The following RXFP2 variants were observed in gnomAD, a reference collection of about 807,000 sequenced individuals.
RXFP2 encodes relaxin family peptide receptor 2, also known as relaxin receptor 2.
In RXFP2, 68 loss-of-function variants were observed where a neutral mutation model predicts 88.6. The ratio of observed to expected loss-of-function variants is 0.77; its 90% CI spans 0.63 to 0.94. The LOEUF (loss-of-function observed/expected upper bound fraction) is 0.94. RXFP2 is among the 40% of genes least tolerant of loss of function. The pLI, the probability that RXFP2 is intolerant of heterozygous loss-of-function variation, is 0.00. For missense variants in RXFP2, 791 were observed against 893.9 expected, an observed-to-expected ratio of 0.88 and a Z score of 1.47; for synonymous variants, 329 against 306.8, an observed-to-expected ratio of 1.07 and a Z score of -0.76.
At chr13:31,766,561 C>T (rs1043250682) in intron 5 of RXFP2, among the ~76,000 whole-genome samples, 2 of 152,126 alleles carry the variant, frequency 1.3e-5, no homozygotes, top group Non-Finnish European at 2.9e-5. Flanking sequence ...GGCCAATATG[C>T]TTCCAGAATC....
At chr13:31,779,229 G>T (rs1467525794) in intron 9 of RXFP2, among the ~76,000 whole-genome samples, 1 of 151,128 alleles carries the variant, frequency 6.6e-6, no homozygotes, top group African/African-American at 2.4e-5. Flanking sequence ...GGGTTCAAGT[G>T]ATTCTCCTGC....
intron 7 of RXFP2, among the ~76,000 whole-genome samples, chr13:31,776,545 C>T (rs1436902341): frequency 6.6e-6 from 1 of 152,052 alleles, no homozygotes; most frequent in African/African-American, 2.4e-5. Context: ...AGGCAAGAGC[C>T]ACCACGCCCA....
intron 16 of RXFP2, among the ~76,000 whole-genome samples, chr13:31,795,524 T>C (rs1873990537): frequency 6.6e-6 from 1 of 152,064 alleles, no homozygotes; most frequent in Non-Finnish European, 1.5e-5. Context: ...TCTAACAGAG[T>C]GATTATCTTT....
chr13:31,748,464 G>A (rs575346638), intron 1 of RXFP2, among the ~76,000 whole-genome samples: 62 of 152,110 alleles, frequency 4.1e-4, no homozygotes, highest in African/African-American at 1.4e-3. Context: ...GTTTTAATTT[G>A]CATTTCTCTG....
chr13:31,778,576 A>T lies in RXFP2; in HGVS notation c.778A>T (p.Asn260Tyr). ...KQMCAQMPQL[N>Y]WVDLEGNRIK... ...GATGTGTGCCCAAATGCCTCAACTC[A>T]ACTGGGTGTGAGTATTTATTTAGGA... The change falls in exon 9 of 18, where the codon AAC becomes TAC. Residue 260 changes from asparagine (N) to tyrosine (Y), a missense_variant. Coordinates refer to ENST00000298386, the MANE Select transcript of RXFP2 (RefSeq NM_130806.5). The T allele has an allele frequency of 1.2e-6, 2 of 1,606,202 alleles. No homozygotes were observed. The highest frequency in any genetic ancestry group is 1.7e-6 in the Non-Finnish European group (2 of 1,172,880).
chr13:31,760,342 C>T (rs1053806455), intron 2 of RXFP2, among the ~76,000 whole-genome samples: 1 of 152,168 alleles, frequency 6.6e-6, no homozygotes, highest in East Asian at 1.9e-4. Context: ...CCGCCCGCCT[C>T]GGCCTCCCAA....
intron 3 of RXFP2, among the ~76,000 whole-genome samples, chr13:31,764,741 ACTTAAT>A (rs1328028383): frequency 6.6e-6 from 1 of 152,212 alleles, no homozygotes; most frequent in African/African-American, 2.4e-5. Context: ...ATTGAAGTGA[ACTTAAT>A]CTTGCTTCAC....
intron 5 of RXFP2, among the ~76,000 whole-genome samples, chr13:31,770,827 C>G (rs1872708879): frequency 6.6e-6 from 1 of 152,166 alleles, no homozygotes; most frequent in African/African-American, 2.4e-5. Context: ...TCCTGGTTCT[C>G]TCTTAGTCTA....
chr13:31,763,499 A>G (rs938318079), intron 3 of RXFP2, among the ~76,000 whole-genome samples: 1 of 152,200 alleles, frequency 6.6e-6, no homozygotes, highest in African/African-American at 2.4e-5. Context: ...GCCTCCCATG[A>G]CAAAGAACGA....
Position 31,758,269 on chromosome 13 carries a change from A to G in RXFP2, c.106A>G (p.Thr36Ala). The change falls in exon 2 of 18, where the codon ACT becomes GCT. Residue 36 changes from threonine to alanine, a missense_variant. Transcript: ENST00000298386. ...VLINVKDFAL[T>A]QGSMITPSCQ... is the part of the protein sequence containing the mutation. The stretch of plus-strand genomic sequence containing the variant: ...CTTCTTTCATGTAGATTTTGCACTG[A>G]CTCAAGGTAGCATGATCACTCCTTC... 1.9e-6 allele frequency: 3 copies of G among 1,613,980 alleles called. No individual in the cohort carries two copies. Among genetic ancestry groups the G allele is most frequent in the Non-Finnish European group, 1.7e-6 (2 of 1,179,946 alleles).
At chr13:31,771,270 G>A (rs1872725410) in intron 5 of RXFP2, among the ~76,000 whole-genome samples, 1 of 152,204 alleles carries the variant, frequency 6.6e-6, no homozygotes. Context: ...ACCAGTCTGT[G>A]GCATGTTAGG....
chr13:31,782,418 A>G (rs561874796), intron 10 of RXFP2, among the ~76,000 whole-genome samples: 4 of 152,340 alleles, frequency 2.6e-5, no homozygotes, highest in East Asian at 1.9e-4. Context: ...ATTTTCTAAA[A>G]TAATTAGATC....
chr13:31,756,274 C>T (rs557098846), intron 1 of RXFP2, among the ~76,000 whole-genome samples: 15 of 152,156 alleles, frequency 9.9e-5, no homozygotes, highest in Non-Finnish European at 1.6e-4. Flanking sequence ...TTCCCAAGAA[C>T]CAAAGTAGAC....
chr13:31,740,306 T>C (rs1300420695), intron 1 of RXFP2, among the ~76,000 whole-genome samples: 1 of 152,086 alleles, frequency 6.6e-6, no homozygotes, highest in Admixed American at 6.6e-5. Context: ...GTCAGTACCA[T>C]TTTCATTGTA....
At chr13:31,764,242 TTCACACACACACA>T (rs1872440447) in intron 3 of RXFP2, among the ~76,000 whole-genome samples, 2 of 83,920 alleles carry the variant, frequency 2.4e-5, no homozygotes, top group African/African-American at 8.6e-5. Context: ...CTCTCTCTCT[TTCACACACACACA>T]CACACACACA....
chr13:31,791,700 C>A, intron 14 of RXFP2, 106 bp from the exon 15 acceptor site: 1 of 782,242 alleles, frequency 1.3e-6, no homozygotes, highest in Non-Finnish European at 2.3e-6. Flanking sequence ...ATAAACAAAC[C>A]TAGTGAAGTT....
intron 7 of RXFP2, among the ~76,000 whole-genome samples, chr13:31,776,190 CTTTCT>C (rs1362161859): frequency 7.1e-6 from 1 of 141,002 alleles, no homozygotes; most frequent in Non-Finnish European, 1.5e-5. Flanking sequence ...TTCTCTCTTT[CTTTCT>C]TTTTTCTTTC....
chr13:31,765,178 T>C, intron 4 of RXFP2, 36 bp downstream of exon 4: 1 of 1,270,984 alleles, frequency 7.9e-7, no homozygotes, highest in Non-Finnish European at 1.2e-6. Flanking sequence ...TATCTGTCCC[T>C]ATAGTCACAT....
At chr13:31,784,085 C>T (rs1361444547) in intron 11 of RXFP2, among the ~76,000 whole-genome samples, 1 of 151,308 alleles carries the variant, frequency 6.6e-6, no homozygotes, top group East Asian at 1.9e-4. Flanking sequence ...CCTCAGCCTC[C>T]CAAAATGCTG....
Sources: allele counts gnomAD v4.1 joint callset (sites outside exome capture counted in the v4.1 genomes callset), GRCh38; gene constraint gnomAD v4.1.1; transcripts MANE v1.5; gene names NCBI Gene and HGNC (gene_info 2026-07-23, HGNC 2026-07-21).